GRM7: variants seen among roughly 807,000 people sequenced by gnomAD.
GRM7 encodes the protein metabotropic glutamate receptor 7.
Under a neutral mutation model 84.5 loss-of-function variants are expected in GRM7, and 35 were observed. That is an observed-to-expected ratio of 0.41 (90% CI 0.32 to 0.55). The LOEUF (loss-of-function observed/expected upper bound fraction) is 0.55. GRM7 is among the 20% of genes least tolerant of loss of function. GRM7 has a pLI of 0.19. For synonymous variants in GRM7, 487 were observed against 455.1 expected (o/e 1.07, Z -0.89); for missense variants, 1,003 against 1,194.6 (o/e 0.84, Z 2.36).
At chr3:7,211,491 G>T (rs976530583) in intron 2 of GRM7, among the ~76,000 whole-genome samples, 4 of 152,028 alleles carry the variant, frequency 2.6e-5, no homozygotes, top group Admixed American at 2.0e-4. Flanking sequence ...ACCCTACCTG[G>T]TAAAGCCTTG....
intron 1 of GRM7, among the ~76,000 whole-genome samples, chr3:7,123,385 G>A (rs1258303017): frequency 3.3e-5 from 5 of 152,128 alleles, no homozygotes; most frequent in African/African-American, 1.2e-4. Context: ...TTGGGAGGCC[G>A]AGGTGAGTGG....
intron 2 of GRM7, among the ~76,000 whole-genome samples, chr3:7,202,440 C>G (rs1283510334): frequency 6.6e-6 from 1 of 152,158 alleles, no homozygotes; most frequent in Non-Finnish European, 1.5e-5. Context: ...AAGTGATTCT[C>G]CTGCCTCAGC....
At chr3:7,480,182 A>T (rs918978740) in intron 7 of GRM7, among the ~76,000 whole-genome samples, 1 of 152,146 alleles carries the variant, frequency 6.6e-6, no homozygotes, top group Non-Finnish European at 1.5e-5. Flanking sequence ...ACAATTATCT[A>T]CCTAGGTGGC....
intron 4 of GRM7, among the ~76,000 whole-genome samples, chr3:7,319,120 C>T (rs908238171): frequency 6.6e-6 from 1 of 151,918 alleles, no homozygotes; most frequent in South Asian, 2.1e-4. Flanking sequence ...TTTAAAGGAA[C>T]CCATGATTAA....
intron 4 of GRM7, among the ~76,000 whole-genome samples, chr3:7,353,591 C>T (rs990234327): frequency 3.9e-5 from 6 of 152,020 alleles, no homozygotes; most frequent in Non-Finnish European, 7.4e-5. Context: ...TGATTTGTAA[C>T]ATAAAACCAC....
chr3:6,929,513 G>A (rs536545263), intron 1 of GRM7, among the ~76,000 whole-genome samples: 2 of 152,146 alleles, frequency 1.3e-5, no homozygotes, highest in South Asian at 4.2e-4. Flanking sequence ...CACACAGTAG[G>A]TATGCTGTCT....
intron 1 of GRM7, among the ~76,000 whole-genome samples, chr3:6,880,573 AT>A (rs530892069): frequency 2.0e-5 from 3 of 151,940 alleles, no homozygotes; most frequent in South Asian, 2.1e-4. Flanking sequence ...TTTATATCTG[AT>A]TTTTTTTCCC....
intron 1 of GRM7, among the ~76,000 whole-genome samples, chr3:6,938,281 T>A (rs1697759829): frequency 6.6e-6 from 1 of 152,202 alleles, no homozygotes; most frequent in South Asian, 2.1e-4. Flanking sequence ...TTCTTTCCCA[T>A]CATAAACACA....
chr3:7,735,834 T>C (rs943428555), intron 9 of GRM7, among the ~76,000 whole-genome samples: 2 of 152,198 alleles, frequency 1.3e-5, no homozygotes, highest in African/African-American at 2.4e-5. Flanking sequence ...AAAATTATTA[T>C]ATTAAAGGCT....
intron 9 of GRM7, among the ~76,000 whole-genome samples, chr3:7,717,601 A>T (rs898248206): frequency 6.6e-6 from 1 of 152,164 alleles, no homozygotes; most frequent in African/African-American, 2.4e-5. Context: ...CCAAAGATAA[A>T]TCAAACTCCT....
chr3:6,939,478 A>G (rs1212413155), intron 1 of GRM7, among the ~76,000 whole-genome samples: 1 of 152,120 alleles, frequency 6.6e-6, no homozygotes, highest in African/African-American at 2.4e-5. Flanking sequence ...TTGGGCACAG[A>G]GGAATAGTTG....
At chr3:6,926,407 C>T (rs543333874) in intron 1 of GRM7, among the ~76,000 whole-genome samples, 9 of 152,252 alleles carry the variant, frequency 5.9e-5, no homozygotes, top group African/African-American at 1.9e-4. Context: ...AAGTACTGAG[C>T]ATTATTACCT....
At chr3:7,640,010 G>A (rs2125103901) in intron 8 of GRM7, among the ~76,000 whole-genome samples, 2 of 152,176 alleles carry the variant, frequency 1.3e-5, no homozygotes, top group African/African-American at 4.8e-5. Context: ...ATTCAATCAT[G>A]TCATAGTATA....
chr3:7,516,652 A>G, intron 7 of GRM7, among the ~76,000 whole-genome samples: 1 of 152,014 alleles, frequency 6.6e-6, no homozygotes, highest in Non-Finnish European at 1.5e-5. Flanking sequence ...CGAGGACTAG[A>G]GGTATGAGCT....
intron 8 of GRM7, among the ~76,000 whole-genome samples, chr3:7,677,283 A>AAAC (rs1700171167): frequency 2.0e-5 from 3 of 147,324 alleles, no homozygotes; most frequent in Admixed American, 6.6e-5. Context: ...AAAAAAAAAA[A>AAAC]AAAAAAAAAA....
intron 1 of GRM7, among the ~76,000 whole-genome samples, chr3:7,097,576 A>G (rs1023501510): frequency 2.0e-5 from 3 of 152,140 alleles, no homozygotes; most frequent in East Asian, 3.9e-4. Context: ...TAAGAGAATT[A>G]GAATTTCCAA....
At chr3:7,686,107 C>T (rs1700573892) in intron 9 of GRM7, among the ~76,000 whole-genome samples, 1 of 152,046 alleles carries the variant, frequency 6.6e-6, no homozygotes, top group Non-Finnish European at 1.5e-5. Flanking sequence ...GGCTGGTTCC[C>T]TCAGCTGTTC....
chr3:7,574,271 T>C (rs887840815), intron 7 of GRM7, among the ~76,000 whole-genome samples: 6 of 151,772 alleles, frequency 4.0e-5, no homozygotes, highest in Non-Finnish European at 8.8e-5. Context: ...GCAATTCTCC[T>C]GCCTCAGCCT....
intron 2 of GRM7, among the ~76,000 whole-genome samples, chr3:7,164,430 A>G (rs1476069551): frequency 6.6e-6 from 1 of 152,208 alleles, no homozygotes; most frequent in Non-Finnish European, 1.5e-5. Flanking sequence ...GGACACTTGC[A>G]TTGGTGAAGG....
Sources: gnomAD v4.1 joint callset for allele counts (sites outside exome capture counted in the v4.1 genomes callset) on GRCh38, gnomAD v4.1.1 for gene constraint, MANE v1.5 for transcripts, NCBI Gene and HGNC (gene_info 2026-07-23, HGNC 2026-07-21) for gene names.